Variants in RSRC1 observed in about 807,000 individuals in gnomAD.
The protein encoded by RSRC1 is arginine and serine rich coiled-coil 1.
Under a neutral mutation model 49.1 loss-of-function variants are expected in RSRC1, and 39 were observed. The ratio of observed to expected loss-of-function variants is 0.79; its 90% CI spans 0.61 to 1.04. The LOEUF is 1.04. Among genes scored for constraint, RSRC1 ranks in the 50% least tolerant of loss-of-function variants. RSRC1 has a pLI of 0.00. For synonymous variants in RSRC1, 143 were observed against 130.8 expected (o/e 1.09, Z -0.63); for missense variants, 388 against 402.4 (o/e 0.96, Z 0.31).
At chr3:158,406,808 T>TG (rs1463087705) in intron 6 of RSRC1, among the ~76,000 whole-genome samples, 2 of 152,102 alleles carry the variant, frequency 1.3e-5, no homozygotes, top group Non-Finnish European at 1.5e-5. Context: ...TGATCTGGTT[T>TG]GGGGGGCAGT....
intron 7 of RSRC1, among the ~76,000 whole-genome samples, chr3:158,510,087 A>G (rs969091498): frequency 2.6e-4 from 39 of 152,168 alleles, no homozygotes; most frequent in Non-Finnish European, 8.8e-5. Context: ...CATCCTTGCC[A>G]TGCTTGATCT....
rs533976411 is a variant in RSRC1 at position 158,122,148 on chromosome 3, A to T, written c.44A>T (p.Lys15Met). The T allele has an allele frequency of 1.5e-5, 24 of 1,567,278 alleles. No homozygotes were observed. In the South Asian group the frequency reaches 2.9e-4, roughly 19 times the overall value. ...SSDTEEESRS[K>M]RKKKHRRRSS... is the part of the protein sequence containing the mutation. ...GATACTGAAGAAGAAAGCAGAAGCA[A>T]GAGAAAAAAGAAACACCGTAGACGG... The change falls in exon 2 of 10, where the codon AAG becomes ATG. Residue 15 changes from lysine (K) to methionine (M), a missense_variant. Lys to Met is a moderately conservative substitution (Grantham distance 95, BLOSUM62 -1). Transcript: ENST00000611884.
chr3:158,166,439 A>G (rs908440410), intron 3 of RSRC1, among the ~76,000 whole-genome samples: 1 of 152,198 alleles, frequency 6.6e-6, no homozygotes, highest in African/African-American at 2.4e-5. Flanking sequence ...GAAAGGTTTA[A>G]GAAAACAGAG....
chr3:158,144,459 T>G (rs1320926523), intron 3 of RSRC1, among the ~76,000 whole-genome samples: 2 of 152,204 alleles, frequency 1.3e-5, no homozygotes, highest in South Asian at 2.1e-4. Flanking sequence ...ACAAAGGACA[T>G]GAACTCATCA....
intron 3 of RSRC1, among the ~76,000 whole-genome samples, chr3:158,173,180 A>C (rs894125633): frequency 1.3e-5 from 2 of 151,928 alleles, no homozygotes; most frequent in African/African-American, 4.8e-5. Flanking sequence ...TAATTATATA[A>C]ATATACTTTA....
rs544299804 is a variant in RSRC1, at chr3:158,285,333, C to T, written c.495-12706C>T. On this transcript the variant is annotated intron_variant, in intron 4 of 9. Coordinates refer to ENST00000611884, the MANE Select transcript of RSRC1 (RefSeq NM_001271838.2). Reference sequence around the variant, plus strand: ...AGTTTGAAGTCAGGTAGCGTGATGCCTCCAGCTTTGTTCTTTTGGCCTAGG... The same window carrying T: ...AGTTTGAAGTCAGGTAGCGTGATGCTTCCAGCTTTGTTCTTTTGGCCTAGG... Among the ~76,000 whole-genome samples, 389 of 152,274 alleles carry T rather than the reference C, an allele frequency of 2.6e-3. 2 individuals carry two copies. The highest frequency in any genetic ancestry group is 8.9e-3 in the African/African-American group (368 of 41,550).
intron 4 of RSRC1, among the ~76,000 whole-genome samples, chr3:158,212,622 T>G (rs1721746315): frequency 6.6e-6 from 1 of 151,940 alleles, no homozygotes; most frequent in African/African-American, 2.4e-5. Flanking sequence ...ACTACCAGAC[T>G]TAAACACACT....
chr3:158,145,485 G>A (rs954948272), intron 3 of RSRC1, among the ~76,000 whole-genome samples: 5 of 152,058 alleles, frequency 3.3e-5, no homozygotes, highest in Non-Finnish European at 5.9e-5. Context: ...TGTTCCATTG[G>A]GCTATATCTC....
intron 5 of RSRC1, among the ~76,000 whole-genome samples, chr3:158,313,731 A>T (rs899890521): frequency 6.6e-6 from 1 of 152,246 alleles, no homozygotes; most frequent in East Asian, 1.9e-4. Flanking sequence ...TGACACAGTA[A>T]CAGAAAATGT....
At chr3:158,215,668 G>T (rs1478456471) in intron 4 of RSRC1, among the ~76,000 whole-genome samples, 1 of 151,164 alleles carries the variant, frequency 6.6e-6, no homozygotes, top group Non-Finnish European at 1.5e-5. Flanking sequence ...GATTTTTTTA[G>T]TGGTTGCCCT....
rs1364609479 is a variant in RSRC1, at chr3:158,512,049, T to C, written c.653-25043T>C. 1.2e-4 allele frequency among the ~76,000 whole-genome samples: 18 copies of C among 144,164 alleles called. 1 individual carries two copies. In the South Asian group the frequency reaches 4.3e-3, roughly 34 times the overall value. The allele number at this position is 144,164 out of a possible 152,430, so 94.6% of individuals were successfully genotyped here. On this transcript the variant is annotated intron_variant, in intron 7 of 9. Transcript: ENST00000611884. ...TTGTCAGATGAGTAGGTTGCGAAAA[T>C]TTTCTCCCATTTTGTAGGTTGCCTG...
intron 3 of RSRC1, among the ~76,000 whole-genome samples, chr3:158,127,987 A>G (rs1715744096): frequency 6.6e-6 from 1 of 151,848 alleles, no homozygotes; most frequent in Admixed American, 6.5e-5. Context: ...CTTCTCTCTC[A>G]CTTCTGACGA....
chr3:158,435,052 A>G (rs1174058269), intron 6 of RSRC1, among the ~76,000 whole-genome samples: 2 of 151,974 alleles, frequency 1.3e-5, no homozygotes, highest in Non-Finnish European at 2.9e-5. Context: ...TAAATCAAAA[A>G]TATTGGTAAA....
At chr3:158,237,173 G>A (rs1490910510) in intron 4 of RSRC1, among the ~76,000 whole-genome samples, 4 of 152,088 alleles carry the variant, frequency 2.6e-5, no homozygotes, top group African/African-American at 4.8e-5. Context: ...TTTACTTTGA[G>A]GCTATTATGA....
chr3:158,194,476 C>T (rs1441519740), intron 3 of RSRC1, among the ~76,000 whole-genome samples: 1 of 147,096 alleles, frequency 6.8e-6, no homozygotes, highest in African/African-American at 2.5e-5. Context: ...CGAGGAGCTT[C>T]AGCACTTTGA....
chr3:158,365,438 GGTT>G (rs1731710729), intron 6 of RSRC1, among the ~76,000 whole-genome samples: 1 of 152,064 alleles, frequency 6.6e-6, no homozygotes, highest in African/African-American at 2.4e-5. Context: ...TGAGAATGAT[GGTT>G]TCCAGCTTCA....
chr3:158,249,400 C>T lies in RSRC1; in HGVS notation c.494+46155C>T, dbSNP rs78389324. The stretch of plus-strand genomic sequence containing the variant: ...TGTACTTTCTGTCTGGCTTCTTTCA[C>T]TCTGCATAAGTGTTCTGACACTCAT... On this transcript the variant is annotated intron_variant, in intron 4 of 9. Transcript: ENST00000611884. Among the ~76,000 whole-genome samples, 591 of 152,316 alleles carry T rather than the reference C, an allele frequency of 3.9e-3. 5 individuals carry two copies. The highest frequency in any genetic ancestry group is 0.013 in the African/African-American group (556 of 41,562).
intron 6 of RSRC1, among the ~76,000 whole-genome samples, chr3:158,395,058 T>A (rs1045883974): frequency 1.3e-5 from 2 of 151,822 alleles, no homozygotes; most frequent in Non-Finnish European, 2.9e-5. Flanking sequence ...TTTAACGAAG[T>A]CAACAAAAGC....
intron 4 of RSRC1, among the ~76,000 whole-genome samples, chr3:158,245,419 A>G (rs1453087222): frequency 6.6e-6 from 1 of 152,164 alleles, no homozygotes; most frequent in Non-Finnish European, 1.5e-5. Flanking sequence ...GCGTTTGCTG[A>G]GAAGTGTTTT....
Sources: allele counts gnomAD v4.1 joint callset (sites outside exome capture counted in the v4.1 genomes callset), GRCh38; gene constraint gnomAD v4.1.1; transcripts MANE v1.5; gene names NCBI Gene and HGNC (gene_info 2026-07-23, HGNC 2026-07-21).